MKLN1: variants seen among roughly 807,000 people sequenced by gnomAD.
The protein encoded by MKLN1 is muskelin 1.
Under a neutral mutation model 99.0 loss-of-function variants are expected in MKLN1, and 18 were observed. The ratio of observed to expected loss-of-function variants is 0.18; its 90% CI spans 0.13 to 0.27. The LOEUF is 0.27. MKLN1 is among the 10% of genes least tolerant of loss of function. The pLI is 1.00. For synonymous variants in MKLN1, 288 were observed against 293.2 expected (o/e 0.98, Z 0.18); for missense variants, 621 against 875.9 (o/e 0.71, Z 3.67).
At position 131,354,514 on chromosome 7, in the gene MKLN1, TG is replaced by T. The variant is rs559708966; in HGVS notation, c.99-20901del. Among the ~76,000 whole-genome samples the T allele has an allele frequency of 4.4e-3, 564 of 128,822 alleles. 2 individuals carry two copies. The highest frequency in any genetic ancestry group is 0.015 in the African/African-American group (516 of 35,422). The allele number at this position is 128,822 out of a possible 152,430, so 84.5% of individuals were successfully genotyped here. On this transcript the variant is annotated intron_variant, in intron 1 of 17. Transcript: ENST00000352689. Reference sequence around the variant, plus strand: ...TCATTAGTCCTAGGATTTTTTTTTGTGGGGGGGGGCGTAAATCTTGTGGGAT... The same window carrying T: ...TCATTAGTCCTAGGATTTTTTTTTGTGGGGGGGGCGTAAATCTTGTGGGAT...
chr7:131,402,077 T>A (rs548415495), intron 6 of MKLN1, among the ~76,000 whole-genome samples: 70 of 152,320 alleles, frequency 4.6e-4, no homozygotes, highest in African/African-American at 1.6e-3. Context: ...TGCAATGCTG[T>A]CTGATTGCAT....
At position 131,146,590 on chromosome 7, in the gene MKLN1, C is replaced by T. The variant is rs369910760; in HGVS notation, c.-297+3649C>T. 3.9e-5 allele frequency among the ~76,000 whole-genome samples: 6 copies of T among 152,272 alleles called. No individual in the cohort carries two copies. In the South Asian group the frequency reaches 1.0e-3, roughly 26 times the overall value. On this transcript the variant is annotated intron_variant, in intron 2 of 7. Coordinates refer to the MKLN1 transcript ENST00000416992. ...CATAGGACTTGGCACACAGTAGGTG[C>T]TTGCTAATTATTTATTAAGTGAAAA...
intron 1 of MKLN1, among the ~76,000 whole-genome samples, chr7:131,136,626 CT>C (rs1487660410): frequency 6.6e-6 from 1 of 152,170 alleles, no homozygotes; most frequent in African/African-American, 2.4e-5. Flanking sequence ...ATACATTTCC[CT>C]TCATAGAAGC....
intron 17 of MKLN1, among the ~76,000 whole-genome samples, chr7:131,484,547 G>T (rs1393164925): frequency 6.6e-6 from 1 of 152,100 alleles, no homozygotes; most frequent in Non-Finnish European, 1.5e-5. Context: ...TACCACACAG[G>T]AACTCAGTGT....
In MKLN1 at chr7:131,191,367, C is replaced by G. The variant is rs147899141; in HGVS notation, c.-296-11490C>G. Reference sequence around the variant, plus strand: ...TCTTGCATCAAGCCGGCGAAGATTCCTAAGTTGGTCCTGATTTCTGAGTGA... The same window carrying G: ...TCTTGCATCAAGCCGGCGAAGATTCGTAAGTTGGTCCTGATTTCTGAGTGA... On this transcript the variant is annotated intron_variant, in intron 2 of 7. Coordinates refer to the MKLN1 transcript ENST00000416992. 2.4e-4 allele frequency among the ~76,000 whole-genome samples: 37 copies of G among 152,262 alleles called. No homozygotes were observed. In the East Asian group the frequency reaches 7.2e-3, roughly 29 times the overall value.
chr7:131,489,575 A>C lies in MKLN1; in HGVS notation c.*1847A>C, dbSNP rs1022589656. On this transcript the variant is annotated 3_prime_UTR_variant, in exon 18 of 18. Transcript: ENST00000352689. ...GGTGCAAATCAGAAGATTGACAAGG[A>C]AGAACTTGAGCTTGCTAAATAAGAC... The C allele has an allele frequency of 2.6e-5, 4 of 152,164 alleles. No homozygotes were observed. Among genetic ancestry groups the C allele is most frequent in the African/African-American group, 9.6e-5 (4 of 41,456 alleles). 9.4% of individuals were successfully genotyped at this position (152,164 alleles called of 1,614,324 possible).
chr7:131,213,299 C>T (rs903325275), intron 3 of MKLN1, among the ~76,000 whole-genome samples: 16 of 152,164 alleles, frequency 1.1e-4, no homozygotes, highest in Non-Finnish European at 2.2e-4. Flanking sequence ...TAAGCCATTA[C>T]TTGTAATTGT....
At chr7:131,185,288 TC>T (rs1796432294) in intron 2 of MKLN1, among the ~76,000 whole-genome samples, 1 of 151,992 alleles carries the variant, frequency 6.6e-6, no homozygotes, top group South Asian at 2.1e-4. Flanking sequence ...TAAACTACTT[TC>T]CCTAGGGGCC....
At chr7:131,246,383 G>T (rs1475976695) in intron 3 of MKLN1, among the ~76,000 whole-genome samples, 1 of 152,146 alleles carries the variant, frequency 6.6e-6, no homozygotes, top group African/African-American at 2.4e-5. Flanking sequence ...AAGAAAAAGG[G>T]CCCATAAAGC....
At position 131,283,961 on chromosome 7, in the gene MKLN1, A is replaced by G. The variant is rs183422101; in HGVS notation, c.-179+80987A>G. Among the ~76,000 whole-genome samples the G allele has an allele frequency of 7.2e-3, 1,097 of 152,342 alleles. 10 individuals carry two copies. Among genetic ancestry groups the G allele is most frequent in the African/African-American group, 0.025 (1,043 of 41,580 alleles). On this transcript the variant is annotated intron_variant, in intron 3 of 7. Transcript: ENST00000416992. ...GTAGAGCTAATCCATTCTATATAAC[A>G]TAACATTATATTATATAATACTGCA... is the stretch of plus-strand genomic sequence containing the variant.
At chr7:131,462,502 A>G (rs1796545316) in intron 12 of MKLN1, among the ~76,000 whole-genome samples, 1 of 152,232 alleles carries the variant, frequency 6.6e-6, no homozygotes, top group African/African-American at 2.4e-5. Context: ...CAGATAATAA[A>G]TCAGTTAATT....
At chr7:131,173,140 A>AAC (rs56672099) in intron 2 of MKLN1, among the ~76,000 whole-genome samples, 24,842 of 149,986 alleles carry the variant, frequency 0.17, 2,195 homozygotes, top group South Asian at 0.23. Context: ...TGTATATACA[A>AAC]ACACACACAC....
At chr7:131,448,042 C>G (rs1365667749) in intron 12 of MKLN1, among the ~76,000 whole-genome samples, 1 of 152,104 alleles carries the variant, frequency 6.6e-6, no homozygotes, top group African/African-American at 2.4e-5. Flanking sequence ...TCCTGGCTAA[C>G]GTGGTGAAAC....
intron 15 of MKLN1, among the ~76,000 whole-genome samples, chr7:131,467,861 G>A (rs1276285884): frequency 2.6e-5 from 4 of 152,208 alleles, no homozygotes; most frequent in African/African-American, 4.8e-5. Context: ...CAGAAACAAC[G>A]GGTTTATGTG....
intron 4 of MKLN1, among the ~76,000 whole-genome samples, chr7:131,394,525 G>A (rs1192212649): frequency 1.3e-5 from 2 of 152,032 alleles, no homozygotes; most frequent in Non-Finnish European, 2.9e-5. Flanking sequence ...TGATCTGACA[G>A]GAGGCAGAGC....
intron 3 of MKLN1, among the ~76,000 whole-genome samples, chr7:131,291,101 T>TTTTATTTATTTATTTATTTATTTA (rs58711955): frequency 7.4e-6 from 1 of 134,842 alleles, no homozygotes; most frequent in Non-Finnish European, 1.6e-5. Flanking sequence ...TCTCATTTTA[T>TTTTATTTATTTATTTATTTATTTA]TTTATTTATT....
At chr7:131,215,485 C>T (rs1164323190) in intron 3 of MKLN1, among the ~76,000 whole-genome samples, 1 of 151,976 alleles carries the variant, frequency 6.6e-6, no homozygotes, top group Non-Finnish European at 1.5e-5. Flanking sequence ...GCTGGGACTA[C>T]AGACAAACAT....
intron 6 of MKLN1, among the ~76,000 whole-genome samples, chr7:131,403,999 A>G (rs570186386): frequency 2.6e-5 from 4 of 152,166 alleles, no homozygotes; most frequent in Non-Finnish European, 5.9e-5. Flanking sequence ...TGTATGTTGA[A>G]TTATCTTAAT....
intron 8 of MKLN1, among the ~76,000 whole-genome samples, chr7:131,418,468 A>T (rs541847613): frequency 3.3e-5 from 5 of 152,262 alleles, no homozygotes; most frequent in Non-Finnish European, 7.4e-5. Flanking sequence ...TGGACCACAC[A>T]TAAAATACAC....
Sources: gnomAD v4.1 joint callset for allele counts (sites outside exome capture counted in the v4.1 genomes callset) on GRCh38, gnomAD v4.1.1 for gene constraint, MANE v1.5 for transcripts, NCBI Gene and HGNC (gene_info 2026-07-23, HGNC 2026-07-21) for gene names.